CDH4: variants seen among roughly 807,000 people sequenced by gnomAD.
CDH4 encodes cadherin 4.
A neutral mutation model predicts 86.0 loss-of-function variants in CDH4; 33 were observed. The ratio of observed to expected loss-of-function variants is 0.38; its 90% CI spans 0.29 to 0.51. The LOEUF (loss-of-function observed/expected upper bound fraction) is 0.51, where lower values mean the gene tolerates loss of function less well. Among genes scored for constraint, CDH4 ranks in the 20% least tolerant of loss-of-function variants. The pLI, the probability that CDH4 is intolerant of heterozygous loss-of-function variation, is 0.86. For missense variants in CDH4, 1,114 were observed against 1,307.4 expected, an observed-to-expected ratio of 0.85 and a Z score of 2.28; for synonymous variants, 555 against 549.4, an observed-to-expected ratio of 1.01 and a Z score of -0.14.
intron 2 of CDH4, among the ~76,000 whole-genome samples, chr20:61,524,758 C>T (rs2085898129): frequency 6.6e-6 from 1 of 152,190 alleles, no homozygotes; most frequent in African/African-American, 2.4e-5. Flanking sequence ...TCTGGGATTA[C>T]AGGTGTGAGC....
At chr20:61,304,264 C>CCG (rs1398143399) in intron 2 of CDH4, among the ~76,000 whole-genome samples, 4 of 9,604 alleles carry the variant, frequency 4.2e-4, no homozygotes, top group Non-Finnish European at 4.3e-4. Context: ...GTGGACGGCA[C>CCG]CCCCCCAACC....
chr20:61,594,168 G>A (rs1446292080), intron 2 of CDH4, among the ~76,000 whole-genome samples: 14 of 104,300 alleles, frequency 1.3e-4, no homozygotes, highest in African/African-American at 4.5e-4. Flanking sequence ...GGGGAAAGAG[G>A]GGGGAAAGGG....
At chr20:61,490,996 A>G (rs2085623018) in intron 2 of CDH4, among the ~76,000 whole-genome samples, 1 of 152,216 alleles carries the variant, frequency 6.6e-6, no homozygotes, top group Non-Finnish European at 1.5e-5. Flanking sequence ...TTTCTCGCCC[A>G]CACTGGATAC....
At chr20:61,903,880 T>G (rs1391263026) in intron 8 of CDH4, among the ~76,000 whole-genome samples, 1 of 152,240 alleles carries the variant, frequency 6.6e-6, no homozygotes, top group Non-Finnish European at 1.5e-5. Context: ...TCCCTGGGGT[T>G]GTCACCAGCA....
At chr20:61,778,033 C>T (rs1481956107) in intron 4 of CDH4, among the ~76,000 whole-genome samples, 4 of 152,260 alleles carry the variant, frequency 2.6e-5, no homozygotes, top group African/African-American at 9.6e-5. Context: ...GCACATACCA[C>T]TCTGCTTCAC....
intron 2 of CDH4, among the ~76,000 whole-genome samples, chr20:61,451,433 A>G (rs1440185578): frequency 3.3e-5 from 5 of 152,194 alleles, no homozygotes; most frequent in Admixed American, 2.0e-4. Flanking sequence ...AATCTGCAAA[A>G]TGGGTATAAT....
chr20:61,749,876 C>T (rs889472777), intron 3 of CDH4, among the ~76,000 whole-genome samples: 1 of 152,170 alleles, frequency 6.6e-6, no homozygotes, highest in Non-Finnish European at 1.5e-5. Flanking sequence ...GCCCAGCCAA[C>T]GTGGTGAAAC....
chr20:61,613,936 T>C (rs2086705718), intron 2 of CDH4, among the ~76,000 whole-genome samples: 1 of 152,142 alleles, frequency 6.6e-6, no homozygotes, highest in African/African-American at 2.4e-5. Context: ...GCTTAAATGT[T>C]TGTATGTCTT....
At chr20:61,550,305 A>C (rs1327423387) in intron 2 of CDH4, among the ~76,000 whole-genome samples, 104 of 60,808 alleles carry the variant, frequency 1.7e-3, no homozygotes, top group South Asian at 2.6e-3. Context: ...CCCCAACCTC[A>C]CTGGCCTCCC....
At chr20:61,338,254 G>A (rs2084630120) in intron 2 of CDH4, among the ~76,000 whole-genome samples, 1 of 152,024 alleles carries the variant, frequency 6.6e-6, no homozygotes, top group African/African-American at 2.4e-5. Flanking sequence ...AAGTTATCAA[G>A]GTACTTTAAC....
intron 4 of CDH4, among the ~76,000 whole-genome samples, chr20:61,809,893 G>A (rs868666031): frequency 4.6e-5 from 7 of 152,116 alleles, no homozygotes; most frequent in Non-Finnish European, 8.8e-5. Flanking sequence ...GCCACAGACC[G>A]TGGTGAAGAG....
chr20:61,704,768 G>C (rs559376273), intron 2 of CDH4, among the ~76,000 whole-genome samples: 1 of 152,246 alleles, frequency 6.6e-6, no homozygotes, highest in South Asian at 2.1e-4. Flanking sequence ...GCATTAAATG[G>C]GGTGGCGCCG....
chr20:61,310,433 A>C (rs1219539050), intron 2 of CDH4, among the ~76,000 whole-genome samples: 1 of 152,186 alleles, frequency 6.6e-6, no homozygotes, highest in Non-Finnish European at 1.5e-5. Flanking sequence ...GTTCCACCTC[A>C]GATCATCAGG....
At chr20:61,550,441 T>C (rs560304344) in intron 2 of CDH4, among the ~76,000 whole-genome samples, 6 of 152,346 alleles carry the variant, frequency 3.9e-5, no homozygotes, top group African/African-American at 7.2e-5. Flanking sequence ...TCTCAGGCCA[T>C]TGGGAAGCCT....
At chr20:61,787,692 T>G (rs1282220963) in intron 4 of CDH4, among the ~76,000 whole-genome samples, 1 of 152,218 alleles carries the variant, frequency 6.6e-6, no homozygotes, top group East Asian at 1.9e-4. Context: ...AGTTACAGTC[T>G]GGGAACCAGA....
At position 61,778,623 on chromosome 20, in the gene CDH4, C is replaced by T. The variant is rs1318128264; in HGVS notation, c.576+5441C>T. ...GGTGGTTCTGCCACTGGAATCAGAC[C>T]GCAGTCTAAAGTGAGTGGTGAGTGA... On this transcript the variant is annotated intron_variant, in intron 4 of 15. Transcript: ENST00000614565. 5.9e-5 allele frequency among the ~76,000 whole-genome samples: 9 copies of T among 152,116 alleles called. No individual in the cohort carries two copies. In the South Asian group the frequency reaches 1.0e-3, roughly 18 times the overall value.
At chr20:61,560,295 C>CA (rs2145685883) in intron 2 of CDH4, among the ~76,000 whole-genome samples, 2 of 152,278 alleles carry the variant, frequency 1.3e-5, no homozygotes, top group East Asian at 3.9e-4. Flanking sequence ...GGTACATGTG[C>CA]AGGTTTGTTT....
chr20:61,918,725 A>AC (rs35765435), intron 9 of CDH4, among the ~76,000 whole-genome samples: 6 of 151,622 alleles, frequency 4.0e-5, no homozygotes, highest in Non-Finnish European at 8.8e-5. Context: ...ACTGCGTGTC[A>AC]CCCCCAGGGG....
chr20:61,334,546 G>A (rs6028122), intron 2 of CDH4, among the ~76,000 whole-genome samples: 29,211 of 152,158 alleles, frequency 0.19, 2,862 homozygotes, highest in Middle Eastern at 0.35. Flanking sequence ...GCATCTGTTC[G>A]GCCTCTTTCT....
Sources: gnomAD v4.1 joint callset for allele counts (sites outside exome capture counted in the v4.1 genomes callset) on GRCh38, gnomAD v4.1.1 for gene constraint, MANE v1.5 for transcripts, NCBI Gene and HGNC (gene_info 2026-07-23, HGNC 2026-07-21) for gene names.